The following STARD13 variants were observed in gnomAD, a reference collection of about 807,000 sequenced individuals.
The protein encoded by STARD13 is StAR related lipid transfer domain containing 13, also known as stAR-related lipid transfer protein 13.
Under a neutral mutation model 106.4 loss-of-function variants are expected in STARD13, and 62 were observed. That is an observed-to-expected ratio of 0.58 (90% CI 0.48 to 0.72). STARD13 has a LOEUF of 0.72. Ranked by LOEUF, STARD13 falls within the 30% of genes least tolerant of loss-of-function variation. The pLI is 0.00. For missense variants in STARD13, 1,387 were observed against 1,424.0 expected (o/e 0.97, Z 0.42); for synonymous variants, 565 against 553.0 (o/e 1.02, Z -0.31).
chr13:33,203,643 A>G (rs1363292839), intron 1 of STARD13, among the ~76,000 whole-genome samples: 2 of 152,250 alleles, frequency 1.3e-5, no homozygotes, highest in African/African-American at 2.4e-5. Flanking sequence ...CTAGTCTTAC[A>G]CAATGCTGAG....
intron 7 of STARD13, among the ~76,000 whole-genome samples, chr13:33,125,205 A>C (rs776250829): frequency 2.6e-5 from 4 of 152,234 alleles, no homozygotes; most frequent in Non-Finnish European, 5.9e-5. Flanking sequence ...AAATCAATAA[A>C]AAGTACAAAT....
chr13:33,555,511 A>G, the STARD13 span, among the ~76,000 whole-genome samples: 74 of 152,154 alleles, frequency 4.9e-4, 1 homozygote, highest in African/African-American at 1.8e-3. Context: ...AAATTTCAAT[A>G]CCCTGGGTAC....
chr13:33,161,616 G>T (rs1351647322), intron 3 of STARD13, among the ~76,000 whole-genome samples: 3 of 152,154 alleles, frequency 2.0e-5, no homozygotes, highest in Non-Finnish European at 4.4e-5. Context: ...CACCTGGTCT[G>T]CTCTATATGT....
At chr13:33,418,569 A>G in the STARD13 span, among the ~76,000 whole-genome samples, 1 of 152,244 alleles carries the variant, frequency 6.6e-6, no homozygotes, top group African/African-American at 2.4e-5. Flanking sequence ...CCTGTCTGAC[A>G]GCTCTGAAGA....
chr13:33,361,338 A>G, the STARD13 span, among the ~76,000 whole-genome samples: 1 of 11,028 alleles, frequency 9.1e-5, no homozygotes, highest in Non-Finnish European at 8.2e-3. Flanking sequence ...TATAATATAT[A>G]ATACATGTAA....
At chr13:33,534,244 C>T in the STARD13 span, among the ~76,000 whole-genome samples, 1 of 152,080 alleles carries the variant, frequency 6.6e-6, no homozygotes, top group Non-Finnish European at 1.5e-5. Context: ...AAATACTAGG[C>T]CTTTACAAAT....
At chr13:33,308,481 T>C (rs920930582) in intron 1 of STARD13, among the ~76,000 whole-genome samples, 1 of 151,516 alleles carries the variant, frequency 6.6e-6, no homozygotes, top group African/African-American at 2.4e-5. Context: ...TTTTCTAATT[T>C]CTTTTTCTTT....
the STARD13 span, among the ~76,000 whole-genome samples, chr13:33,606,216 G>A: frequency 6.6e-6 from 1 of 152,128 alleles, no homozygotes; most frequent in Non-Finnish European, 1.5e-5. Flanking sequence ...CAGGAGAACT[G>A]CTTGGACTCC....
chr13:33,579,644 A>C, the STARD13 span, among the ~76,000 whole-genome samples: 1 of 149,034 alleles, frequency 6.7e-6, no homozygotes, highest in African/African-American at 2.4e-5. Flanking sequence ...TCATATATAT[A>C]TATAATTTAT....
At chr13:33,633,638 A>C in the STARD13 span, among the ~76,000 whole-genome samples, 1 of 152,244 alleles carries the variant, frequency 6.6e-6, no homozygotes, top group South Asian at 2.1e-4. Context: ...CATCTTCTGA[A>C]TAATGTTTAA....
chr13:33,510,482 C>T, the STARD13 span, among the ~76,000 whole-genome samples: 11 of 152,084 alleles, frequency 7.2e-5, no homozygotes, highest in Non-Finnish European at 1.2e-4. Flanking sequence ...TTAGGTGGGG[C>T]TCTAGAACTC....
chr13:33,626,200 C>T, the STARD13 span, among the ~76,000 whole-genome samples: 1 of 152,172 alleles, frequency 6.6e-6, no homozygotes. Flanking sequence ...GCTGTGACCC[C>T]TTCAAAGACA....
intron 1 of STARD13, among the ~76,000 whole-genome samples, chr13:33,240,671 T>A (rs9670929): frequency 1.6e-5 from 2 of 121,896 alleles, no homozygotes; most frequent in Non-Finnish European, 1.9e-5. Flanking sequence ...TATCCTTAAG[T>A]ATCCTTAAGT....
the STARD13 span, among the ~76,000 whole-genome samples, chr13:33,640,321 C>T: frequency 5.9e-5 from 9 of 152,124 alleles, no homozygotes; most frequent in South Asian, 2.1e-4. Context: ...CCCTGTAATT[C>T]GACTACAAAT....
At chr13:33,645,235 C>T in the STARD13 span, among the ~76,000 whole-genome samples, 10 of 152,178 alleles carry the variant, frequency 6.6e-5, no homozygotes, top group Non-Finnish European at 1.5e-4. Context: ...CTCCTGCAGG[C>T]CCTGAGACCT....
At chr13:33,667,945 C>T in the STARD13 span, among the ~76,000 whole-genome samples, 1 of 152,200 alleles carries the variant, frequency 6.6e-6, no homozygotes, top group South Asian at 2.1e-4. Context: ...TGAGTTTTGG[C>T]CAATCAAATG....
chr13:33,308,342 A>G (rs1328309304), intron 1 of STARD13, among the ~76,000 whole-genome samples: 1 of 152,214 alleles, frequency 6.6e-6, no homozygotes, highest in East Asian at 1.9e-4. Context: ...TATGCCTGAA[A>G]TAGACACAAG....
the STARD13 span, among the ~76,000 whole-genome samples, chr13:33,372,612 C>T: frequency 2.0e-5 from 3 of 151,254 alleles, no homozygotes; most frequent in Admixed American, 6.6e-5. Flanking sequence ...ATGAACCAAC[C>T]GAATTCCCAT....
intron 1 of STARD13, chr13:33,276,618 T>A (rs1480823203): frequency 6.6e-6 from 1 of 152,210 alleles, no homozygotes; most frequent in Non-Finnish European, 1.5e-5. Flanking sequence ...TGTTCACTCA[T>A]AGAGATTGAA....
Sources: gnomAD v4.1 joint callset for allele counts (sites outside exome capture counted in the v4.1 genomes callset) on GRCh38, gnomAD v4.1.1 for gene constraint, MANE v1.5 for transcripts, NCBI Gene and HGNC (gene_info 2026-07-23, HGNC 2026-07-21) for gene names.